The following VWC2L variants were observed in gnomAD, a reference collection of about 807,000 sequenced individuals.
VWC2L encodes the protein von Willebrand factor C domain-containing protein 2-like.
A neutral mutation model predicts 21.6 loss-of-function variants in VWC2L; 10 were observed. The observed-to-expected ratio is 0.46, with a 90% CI of 0.29 to 0.78. VWC2L has a LOEUF of 0.78. Ranked by LOEUF, VWC2L falls within the 30% of genes least tolerant of loss-of-function variation. VWC2L has a pLI of 0.10. For synonymous variants in VWC2L, 96 were observed against 94.3 expected, an observed-to-expected ratio of 1.02 and a Z score of -0.10; for missense variants, 209 against 277.1, an observed-to-expected ratio of 0.75 and a Z score of 1.74.
intron 3 of VWC2L, among the ~76,000 whole-genome samples, chr2:214,450,471 G>T (rs1471320587): frequency 2.6e-5 from 4 of 152,156 alleles, no homozygotes; most frequent in Non-Finnish European, 5.9e-5. Context: ...CATAATGAAT[G>T]TTACTAAAAA....
intron 1 of VWC2L, 78 bp from the exon 2 acceptor site, chr2:214,414,036 G>A: frequency 2.5e-6 from 2 of 801,122 alleles, no homozygotes; most frequent in Non-Finnish European, 3.7e-6. Flanking sequence ...ATCCCAAACA[G>A]TTTAAGAGCG....
intron 3 of VWC2L, among the ~76,000 whole-genome samples, chr2:214,439,350 T>C (rs1163357470): frequency 1.3e-5 from 2 of 152,054 alleles, no homozygotes; most frequent in Admixed American, 1.3e-4. Context: ...TCATTATATA[T>C]GGTTATTAAC....
Position 214,414,143 on chromosome 2 carries a change from G to A in VWC2L, c.-51G>A. Reference sequence around the variant, plus strand: ...CCCCTCTTGTATTCCCATGGAAGGAGCTGAGTATATTTAATATTAGGAGCA... The same window carrying A: ...CCCCTCTTGTATTCCCATGGAAGGAACTGAGTATATTTAATATTAGGAGCA... On this transcript the variant is annotated 5_prime_UTR_variant, in exon 2 of 4. Transcript: ENST00000312504. 1.9e-6 allele frequency: 3 copies of A among 1,560,450 alleles called. No homozygotes were observed. Among genetic ancestry groups the A allele is most frequent in the South Asian group, 1.2e-5 (1 of 82,352 alleles).
At chr2:214,454,263 A>G (rs1218358161) in intron 3 of VWC2L, among the ~76,000 whole-genome samples, 1 of 152,062 alleles carries the variant, frequency 6.6e-6, no homozygotes, top group Non-Finnish European at 1.5e-5. Context: ...ATTTGGATGC[A>G]TTTTAGTTTT....
At chr2:214,574,460 A>G (rs7604440) in intron 3 of VWC2L, among the ~76,000 whole-genome samples, 47,284 of 152,082 alleles carry the variant, frequency 0.31, 8,867 homozygotes, top group African/African-American at 0.54. Flanking sequence ...GACTCCAAAT[A>G]TGAAGCGGAA....
rs532458277 is a variant in VWC2L, at chr2:214,528,180, A to C, written c.521-47492A>C. Among the ~76,000 whole-genome samples the C allele has an allele frequency of 3.9e-5, 6 of 152,324 alleles. No homozygotes were observed. The South Asian group carries it at 1.2e-3, about 32-fold the overall frequency. On this transcript the variant is annotated intron_variant, in intron 3 of 3. Coordinates refer to ENST00000312504, the MANE Select transcript of VWC2L (RefSeq NM_001080500.4). Reference sequence around the variant, plus strand: ...GTTGGTCCTGAACCCTGGAAGTATCAATAATTCATGAAATCATACAGTTTA... The same window carrying C: ...GTTGGTCCTGAACCCTGGAAGTATCCATAATTCATGAAATCATACAGTTTA...
At chr2:214,483,593 C>T (rs970302470) in intron 3 of VWC2L, among the ~76,000 whole-genome samples, 10 of 152,128 alleles carry the variant, frequency 6.6e-5, no homozygotes, top group East Asian at 1.9e-4. Flanking sequence ...AACAGCAATA[C>T]GTTTACATTC....
chr2:214,516,071 G>A (rs1383905124), intron 3 of VWC2L, among the ~76,000 whole-genome samples: 1 of 152,132 alleles, frequency 6.6e-6, no homozygotes, highest in Non-Finnish European at 1.5e-5. Context: ...AGTTGGCACA[G>A]ACTCTTGAGA....
At chr2:214,554,289 C>T (rs1311640817) in intron 3 of VWC2L, among the ~76,000 whole-genome samples, 1 of 152,164 alleles carries the variant, frequency 6.6e-6, no homozygotes, top group African/African-American at 2.4e-5. Flanking sequence ...TTCTAAGCCC[C>T]TCAATTGACT....
At chr2:214,430,426 C>G (rs1381786263) in intron 2 of VWC2L, among the ~76,000 whole-genome samples, 1 of 152,084 alleles carries the variant, frequency 6.6e-6, no homozygotes, top group Non-Finnish European at 1.5e-5. Flanking sequence ...ACAAATATTT[C>G]AACTCTTCTT....
chr2:214,461,134 GC>G (rs1365904144), intron 3 of VWC2L, among the ~76,000 whole-genome samples: 1 of 152,220 alleles, frequency 6.6e-6, no homozygotes, highest in Non-Finnish European at 1.5e-5. Context: ...CAGTAGTCAG[GC>G]CCCAGTCGTG....
intron 3 of VWC2L, among the ~76,000 whole-genome samples, chr2:214,501,992 G>C (rs961032547): frequency 1.3e-5 from 2 of 152,166 alleles, no homozygotes; most frequent in African/African-American, 4.8e-5. Flanking sequence ...CAAGATGAGC[G>C]GAACTCCCCA....
intron 3 of VWC2L, among the ~76,000 whole-genome samples, chr2:214,554,974 T>C (rs1689852919): frequency 6.6e-6 from 1 of 152,198 alleles, no homozygotes. Context: ...CCAGGAAAGG[T>C]TTAACTAAGT....
chr2:214,411,568 T>G lies in VWC2L; in HGVS notation c.-299T>G, dbSNP rs556662726. The G allele has an allele frequency of 6.6e-6, 1 of 152,242 alleles. No individual in the cohort carries two copies. Among genetic ancestry groups the G allele is most frequent in the Non-Finnish European group, 1.5e-5 (1 of 68,056 alleles). The allele number at this position is 152,242 out of a possible 1,614,324, so 9.4% of individuals were successfully genotyped here. A position where few individuals can be genotyped will look rare whatever the true frequency, so the allele number is the denominator to read the frequency against. On this transcript the variant is annotated 5_prime_UTR_variant, in exon 1 of 4. Coordinates refer to ENST00000312504, the MANE Select transcript of VWC2L (RefSeq NM_001080500.4). ...GAAGACAGGTCCAAAGCAAATTTCTTATATGTGTCTGCTGTGTTTCTTTCT... is the reference window on the plus strand; with the variant it reads ...GAAGACAGGTCCAAAGCAAATTTCTGATATGTGTCTGCTGTGTTTCTTTCT...
intron 3 of VWC2L, among the ~76,000 whole-genome samples, chr2:214,442,004 T>C (rs1177250917): frequency 6.6e-6 from 1 of 151,776 alleles, no homozygotes; most frequent in East Asian, 1.9e-4. Flanking sequence ...CTCCGCATCC[T>C]GGGTTCAAGT....
intron 2 of VWC2L, among the ~76,000 whole-genome samples, chr2:214,434,700 G>T (rs181921727): frequency 6.6e-6 from 1 of 152,176 alleles, no homozygotes; most frequent in Non-Finnish European, 1.5e-5. Context: ...TAGGAAAATT[G>T]CTTAGCATAA....
At chr2:214,416,465 A>G (rs34037368) in intron 2 of VWC2L, among the ~76,000 whole-genome samples, 5,034 of 152,146 alleles carry the variant, frequency 0.033, 140 homozygotes, top group Admixed American at 0.084. Context: ...TGTGATTTTT[A>G]AAATAATAGA....
chr2:214,528,601 T>A (rs1470820653), intron 3 of VWC2L, among the ~76,000 whole-genome samples: 10 of 152,132 alleles, frequency 6.6e-5, no homozygotes, highest in Admixed American at 2.6e-4. Context: ...TCTTTTTTTT[T>A]TATAGTCTGC....
intron 2 of VWC2L, among the ~76,000 whole-genome samples, chr2:214,421,883 A>ATTTTTTTTTTTTTTTTTTTTTTTT (rs1574555783): frequency 1.1e-5 from 1 of 88,354 alleles, no homozygotes; most frequent in African/African-American, 5.8e-5. Flanking sequence ...TATTTCCTAC[A>ATTTTTTTTTTTTTTTTTTTTTTTT]TCTTTTTTTT....
Sources: allele counts gnomAD v4.1 joint callset (sites outside exome capture counted in the v4.1 genomes callset), GRCh38; gene constraint gnomAD v4.1.1; transcripts MANE v1.5; gene names NCBI Gene and HGNC (gene_info 2026-07-23, HGNC 2026-07-21).